ECPAS: variants seen among roughly 807,000 people sequenced by gnomAD.
ECPAS encodes the protein Ecm29 proteasome adaptor and scaffold.
ECPAS carries 70 observed loss-of-function variants against 255.1 expected under a neutral mutation model. That is an observed-to-expected ratio of 0.27 (90% CI 0.23 to 0.33). The LOEUF (loss-of-function observed/expected upper bound fraction) is 0.33, where lower values mean the gene tolerates loss of function less well. Ranked by LOEUF, ECPAS falls within the 10% of genes least tolerant of loss-of-function variation. The pLI is 1.00. For synonymous variants in ECPAS, 784 were observed against 775.0 expected (o/e 1.01, Z -0.19); for missense variants, 1,817 against 2,206.4 (o/e 0.82, Z 3.54).
intron 18 of ECPAS, among the ~76,000 whole-genome samples, chr9:111,415,702 C>CAAA (rs34227645): frequency 2.5e-5 from 3 of 118,282 alleles, no homozygotes; most frequent in Non-Finnish European, 5.2e-5. Context: ...GACTCCTTCT[C>CAAA]AAAAAAAAAA....
At chr9:111,450,233 C>T (rs1465670644) in intron 3 of ECPAS, among the ~76,000 whole-genome samples, 1 of 152,092 alleles carries the variant, frequency 6.6e-6, no homozygotes, top group African/African-American at 2.4e-5. Flanking sequence ...GAAATCAACT[C>T]ACGAAGGGCC....
At chr9:111,478,152 C>T (rs969526724) in intron 1 of ECPAS, among the ~76,000 whole-genome samples, 1 of 151,648 alleles carries the variant, frequency 6.6e-6, no homozygotes, top group East Asian at 2.0e-4. Flanking sequence ...CTGACCACCT[C>T]GACCTCCCAA....
In ECPAS at chr9:111,462,775, C is replaced by T. The variant is rs187632216; in HGVS notation, c.22+10122G>A. ...TTTTTTTTTTTGAGACAGAGTTTCA[C>T]TCTGTCACCAAGGCTGGAGTGCAGT... On this transcript the variant is annotated intron_variant, in intron 2 of 49. Coordinates refer to ENST00000684092, the MANE Select transcript of ECPAS (RefSeq NM_001364929.1). Among the ~76,000 whole-genome samples the T allele has an allele frequency of 5.8e-3, 822 of 141,094 alleles. 8 individuals are homozygous for T. The highest frequency in any genetic ancestry group is 0.02 in the African/African-American group (754 of 37,160). The allele number at this position is 141,094 out of a possible 152,430, so 92.6% of individuals were successfully genotyped here.
rs1016535812 is a variant in ECPAS at position 111,389,552 on chromosome 9, T to C, written c.3447+4A>G. On this transcript the variant is annotated splice_donor_region_variant and intron_variant, in intron 31 of 49. Transcript: ENST00000684092. Reference sequence around the variant, plus strand: ...TCCTAACACAGGGGTTCACAGACACTTACCATGGATTTGTCAGTGACCAAC... The same window carrying C: ...TCCTAACACAGGGGTTCACAGACACCTACCATGGATTTGTCAGTGACCAAC... 6.2e-7 allele frequency: 1 copy of C among 1,611,860 alleles called. No individual in the cohort carries two copies. Among genetic ancestry groups the C allele is most frequent in the South Asian group, 1.1e-5 (1 of 90,714 alleles).
Position 111,372,645 on chromosome 9 carries a change from T to G in ECPAS, c.4337-25A>C, listed in dbSNP as rs531907475. Reference sequence around the variant, plus strand: ...TCTGAAAAGGAGAAACCAAAATCTTTACGATATTTATTGTTTTTAAGGGTA... The same window carrying G: ...TCTGAAAAGGAGAAACCAAAATCTTGACGATATTTATTGTTTTTAAGGGTA... On this transcript the variant is annotated intron_variant, in intron 41 of 49. Coordinates refer to ENST00000684092, the MANE Select transcript of ECPAS (RefSeq NM_001364929.1). 7.7e-6 allele frequency: 12 copies of G among 1,560,000 alleles called. No homozygotes were observed. The Admixed American group carries it at 1.9e-4, about 24-fold the overall frequency.
At chr9:111,401,487 G>C (rs2098175983) in intron 24 of ECPAS, among the ~76,000 whole-genome samples, 1 of 152,184 alleles carries the variant, frequency 6.6e-6, no homozygotes, top group Admixed American at 6.5e-5. Flanking sequence ...TTACTGATGA[G>C]GGTCTGTGTC....
chr9:111,451,313 C>T, intron 3 of ECPAS, 112 bp downstream of exon 3: 1 of 1,069,844 alleles, frequency 9.3e-7, no homozygotes, highest in Admixed American at 2.7e-5. Flanking sequence ...TTTTGAAAGG[C>T]CATAATTAAG....
chr9:111,392,902 G>C lies in ECPAS; in HGVS notation c.2978-20C>G, dbSNP rs754516159. ...TAAGTTCTACAAGAAAGTCAGACAA[G>C]ATTGTATCACTTTAAAAAAAATTTT... is the stretch of plus-strand genomic sequence containing the variant. On this transcript the variant is annotated intron_variant, in intron 27 of 49. Transcript: ENST00000684092. 3 of 1,557,210 alleles carry C rather than the reference G, an allele frequency of 1.9e-6. No individual in the cohort carries two copies. The highest frequency in any genetic ancestry group is 2.8e-5 in the African/African-American group (2 of 72,508).
intron 36 of ECPAS, 93 bp downstream of exon 36, chr9:111,378,487 A>G: frequency 7.7e-7 from 1 of 1,294,252 alleles, no homozygotes; most frequent in South Asian, 1.6e-5. Context: ...AGTTCTGGTA[A>G]CAGTAGTGAC....
chr9:111,401,306 G>A (rs576135081), intron 24 of ECPAS, among the ~76,000 whole-genome samples: 1 of 152,292 alleles, frequency 6.6e-6, no homozygotes, highest in Admixed American at 6.5e-5. Flanking sequence ...GGGCCTGCGG[G>A]GGTGCCGTCA....
At chr9:111,420,606 T>G (rs554789914) in intron 15 of ECPAS, among the ~76,000 whole-genome samples, 65 of 152,316 alleles carry the variant, frequency 4.3e-4, no homozygotes, top group African/African-American at 1.4e-3. Flanking sequence ...CTTCTCAGAT[T>G]AGCTCAAAGC....
intron 1 of ECPAS, among the ~76,000 whole-genome samples, chr9:111,480,413 T>C (rs1039572490): frequency 2.7e-5 from 4 of 148,076 alleles, no homozygotes; most frequent in Non-Finnish European, 5.9e-5. Flanking sequence ...TTCTCCTGCC[T>C]CAGCCTCCTG....
chr9:111,461,948 C>A (rs900589104), intron 2 of ECPAS, among the ~76,000 whole-genome samples: 2 of 152,160 alleles, frequency 1.3e-5, no homozygotes, highest in African/African-American at 4.8e-5. Flanking sequence ...CTCGCTATCA[C>A]GAGAACAGCA....
chr9:111,445,463 T>A (rs1436055231), intron 3 of ECPAS, among the ~76,000 whole-genome samples: 1 of 151,850 alleles, frequency 6.6e-6, no homozygotes, highest in Non-Finnish European at 1.5e-5. Context: ...GTATCTGCTA[T>A]ATCAAGAAAG....
intron 2 of ECPAS, among the ~76,000 whole-genome samples, chr9:111,460,526 A>G (rs1269308603): frequency 6.6e-6 from 1 of 152,222 alleles, no homozygotes; most frequent in Non-Finnish European, 1.5e-5. Flanking sequence ...AAGATTACAA[A>G]GGAAGAAATA....
chr9:111,479,840 G>A (rs995365393), intron 1 of ECPAS, among the ~76,000 whole-genome samples: 1 of 151,880 alleles, frequency 6.6e-6, no homozygotes, highest in South Asian at 2.1e-4. Context: ...TTAGCTGGGC[G>A]CAGTGACAGG....
At chr9:111,374,334 C>T (rs2098130920) in intron 38 of ECPAS, among the ~76,000 whole-genome samples, 1 of 152,110 alleles carries the variant, frequency 6.6e-6, no homozygotes, top group African/African-American at 2.4e-5. Flanking sequence ...ATTTCCATTT[C>T]CAGAAATTTA....
chr9:111,483,927 C>A (rs1047610682), intron 1 of ECPAS, 189 bp downstream of exon 1: 27 of 799,452 alleles, frequency 3.4e-5, no homozygotes, highest in African/African-American at 3.8e-5. Context: ...AGCGGCCCCC[C>A]CGCCGGGCCC....
intron 9 of ECPAS, 62 bp downstream of exon 9, chr9:111,430,485 A>G: frequency 1.1e-6 from 1 of 944,946 alleles, no homozygotes; most frequent in Non-Finnish European, 1.7e-6. Flanking sequence ...ATGTATAAAT[A>G]CGCAGTTCAT....
Sources: allele counts gnomAD v4.1 joint callset (sites outside exome capture counted in the v4.1 genomes callset), GRCh38; gene constraint gnomAD v4.1.1; transcripts MANE v1.5; gene names NCBI Gene and HGNC (gene_info 2026-07-23, HGNC 2026-07-21).